The following ADAM9 variants were observed in gnomAD, a reference collection of about 807,000 sequenced individuals.
ADAM9 encodes the protein ADAM metallopeptidase domain 9.
A neutral mutation model predicts 108.1 loss-of-function variants in ADAM9; 54 were observed. The ratio of observed to expected loss-of-function variants is 0.50; its 90% confidence interval spans 0.40 to 0.63. The LOEUF (loss-of-function observed/expected upper bound fraction) is 0.63, where lower values mean the gene tolerates loss of function less well. Among genes scored for constraint, ADAM9 ranks in the 20% least tolerant of loss-of-function variants. The pLI, the probability that ADAM9 is intolerant of heterozygous loss-of-function variation, is 0.00. For synonymous variants in ADAM9, 316 were observed against 336.0 expected (o/e 0.94, Z 0.65); for missense variants, 830 against 997.7 (o/e 0.83, Z 2.26).
chr8:39,073,733 G>T (rs1227626717), intron 15 of ADAM9, among the ~76,000 whole-genome samples: 2 of 152,068 alleles, frequency 1.3e-5, no homozygotes, highest in African/African-American at 4.8e-5. Context: ...CCATATTCTT[G>T]TCTTTAGCCT....
chr8:39,026,862 T>G, intron 11 of ADAM9, 52 bp downstream of exon 11: 1 of 1,607,230 alleles, frequency 6.2e-7, no homozygotes, highest in Non-Finnish European at 8.5e-7. Context: ...GATCCATGTT[T>G]CTTACACTGT....
intron 4 of ADAM9, chr8:39,014,431 C>G (rs983788262): frequency 6.5e-6 from 4 of 616,028 alleles, no homozygotes; most frequent in African/African-American, 5.6e-5. Context: ...GAAAAACACT[C>G]ATTTGATGTT....
chr8:39,045,415 T>TGTGTGTACACACACCTATATGTGC (rs1564301654), intron 12 of ADAM9, among the ~76,000 whole-genome samples: 1 of 135,268 alleles, frequency 7.4e-6, no homozygotes, highest in African/African-American at 2.7e-5. Flanking sequence ...TATGTGCGCG[T>TGTGTGTACACACACCTATATGTGC]GTGTACACAC....
intron 11 of ADAM9, among the ~76,000 whole-genome samples, chr8:39,034,947 G>A (rs1022980912): frequency 6.6e-6 from 1 of 151,946 alleles, no homozygotes; most frequent in African/African-American, 2.4e-5. Flanking sequence ...ATTTTTTAGT[G>A]TTTTAAAGTT....
At chr8:39,023,459 G>A in intron 9 of ADAM9, 134 bp downstream of exon 9, 1 of 916,090 alleles carries the variant, frequency 1.1e-6, no homozygotes, top group Non-Finnish European at 1.6e-6. Flanking sequence ...AGCTTGATGT[G>A]GCATTATCAT....
intron 16 of ADAM9, among the ~76,000 whole-genome samples, chr8:39,078,036 G>T (rs1838903554): frequency 6.6e-6 from 1 of 152,128 alleles, no homozygotes; most frequent in South Asian, 2.1e-4. Context: ...GGATTGTTGA[G>T]TAAGTTGAAG....
At chr8:39,035,614 C>G (rs1478844260) in intron 11 of ADAM9, among the ~76,000 whole-genome samples, 1 of 151,982 alleles carries the variant, frequency 6.6e-6, no homozygotes, top group Admixed American at 6.6e-5. Flanking sequence ...GTCAGGAGAT[C>G]GAGACCATCC....
chr8:39,009,899 G>C (rs1371814914), intron 2 of ADAM9, among the ~76,000 whole-genome samples: 4 of 80,930 alleles, frequency 4.9e-5, no homozygotes, highest in Non-Finnish European at 8.1e-5. Context: ...TAGTGATGGG[G>C]GGGGGGGGCA....
intron 16 of ADAM9, among the ~76,000 whole-genome samples, chr8:39,081,037 T>C (rs1275591084): frequency 6.9e-6 from 1 of 144,992 alleles, no homozygotes; most frequent in Non-Finnish European, 1.5e-5. Context: ...CACTGCAGCC[T>C]CTGCCTCCTG....
intron 1 of ADAM9, among the ~76,000 whole-genome samples, chr8:39,005,572 A>G (rs774283721): frequency 2.0e-5 from 3 of 152,238 alleles, no homozygotes; most frequent in Non-Finnish European, 4.4e-5. Context: ...AGATGTTAAC[A>G]TTAGCCATCC....
chr8:39,083,011 C>G lies in ADAM9; in HGVS notation c.2006C>G (p.Ala669Gly), dbSNP rs1390640372. 1.9e-6 allele frequency: 3 copies of G among 1,613,880 alleles called. No homozygotes were observed. Among genetic ancestry groups the G allele is most frequent in the Non-Finnish European group, 2.5e-6 (3 of 1,179,840 alleles). ...NKNCHCENGWAPPNCETKGYG... is the reference protein window; with the variant it reads ...NKNCHCENGWGPPNCETKGYG... Reference sequence around the variant, plus strand: ...AATTGTCACTGTGAAAATGGCTGGGCTCCCCCAAATTGTGAGACTAAAGGA... The same window carrying G: ...AATTGTCACTGTGAAAATGGCTGGGGTCCCCCAAATTGTGAGACTAAAGGA... The change falls in exon 18 of 22, where the codon GCT (alanine) becomes GGT (glycine). Residue 669 changes from alanine to glycine, a missense_variant. Physicochemically the swap from Ala to Gly is moderately conservative, Grantham distance 60 (BLOSUM62 0). Around this residue, in one of 3 missense-constraint regions of ADAM9, gnomAD observed 238 missense variants for 235.7 expected, o/e 1.01. Transcript: ENST00000487273.
intron 12 of ADAM9, among the ~76,000 whole-genome samples, chr8:39,051,104 C>T (rs984915985): frequency 6.6e-6 from 1 of 152,044 alleles, no homozygotes; most frequent in African/African-American, 2.4e-5. Flanking sequence ...AACCTACTAC[C>T]TTTGTTCTCT....
intron 15 of ADAM9, among the ~76,000 whole-genome samples, chr8:39,076,799 T>C (rs1299108208): frequency 6.6e-6 from 1 of 152,230 alleles, no homozygotes; most frequent in Non-Finnish European, 1.5e-5. Flanking sequence ...TGGAATCCTT[T>C]CTTAGTTATT....
At chr8:39,059,361 G>A (rs1291595057) in intron 14 of ADAM9, among the ~76,000 whole-genome samples, 1 of 152,204 alleles carries the variant, frequency 6.6e-6, no homozygotes, top group Non-Finnish European at 1.5e-5. Flanking sequence ...CTAGGGAATG[G>A]TGTCATACTG....
At position 39,071,536 on chromosome 8, in the gene ADAM9, G is replaced by A. The variant is rs1838692207; in HGVS notation, c.1697+133G>A. The A allele has an allele frequency of 6.6e-6, 5 of 756,846 alleles. No individual in the cohort carries two copies. The Admixed American group carries it at 1.0e-4, about 16-fold the overall frequency. 46.9% of individuals were successfully genotyped at this position (756,846 alleles called of 1,614,324 possible). On this transcript the variant is annotated intron_variant, in intron 15 of 21. Transcript: ENST00000487273. ...GGCTGGAGTGCAGTGGCGCGATCTC[G>A]GCTCGCTGCACCCTCCGCCTCCCAG... is the stretch of plus-strand genomic sequence containing the variant.
chr8:39,079,776 G>C (rs1446243098), intron 16 of ADAM9, among the ~76,000 whole-genome samples: 1 of 152,040 alleles, frequency 6.6e-6, no homozygotes, highest in Non-Finnish European at 1.5e-5. Context: ...GTAGAGACGG[G>C]GTTTCGCCAT....
At chr8:39,091,579 C>T (rs2129443173) in intron 20 of ADAM9, among the ~76,000 whole-genome samples, 1 of 152,184 alleles carries the variant, frequency 6.6e-6, no homozygotes, top group South Asian at 2.1e-4. Context: ...CCTCTGCCTC[C>T]CAGTTTCAAA....
rs1564398658 is a variant in ADAM9, at chr8:39,104,210, C to T, written c.*510C>T. ...TAATCATCATACTCTAGAATCTTGTCTGTCACTCACTACATGAATAAGCAA... is the reference window on the plus strand; with the variant it reads ...TAATCATCATACTCTAGAATCTTGTTTGTCACTCACTACATGAATAAGCAA... On this transcript the variant is annotated 3_prime_UTR_variant, in exon 22 of 22. Transcript: ENST00000487273. 2 of 453,992 alleles carry T rather than the reference C, an allele frequency of 4.4e-6. No homozygotes were observed. Among genetic ancestry groups the T allele is most frequent in the Admixed American group, 4.7e-5 (2 of 42,550 alleles). The allele number at this position is 453,992 out of a possible 1,614,324, so 28.1% of individuals were successfully genotyped here. A position where few individuals can be genotyped will look rare whatever the true frequency, so the allele number is the denominator to read the frequency against.
chr8:39,023,825 C>A (rs750394765), intron 9 of ADAM9, among the ~76,000 whole-genome samples: 14 of 143,640 alleles, frequency 9.7e-5, no homozygotes, highest in Non-Finnish European at 1.9e-4. Flanking sequence ...TGGCTCACTG[C>A]AGCCTCTGCC....
Sources: allele counts gnomAD v4.1 joint callset (sites outside exome capture counted in the v4.1 genomes callset), GRCh38; gene constraint gnomAD v4.1.1; regional missense constraint gnomAD v4.1.1; transcripts MANE v1.5; gene names NCBI Gene and HGNC (gene_info 2026-07-23, HGNC 2026-07-21).